The following DIPK2B variants were observed in gnomAD, a reference collection of about 807,000 sequenced individuals.
DIPK2B encodes divergent protein kinase domain 2B, also known as UPF0672 protein CXorf36.
In DIPK2B, 15 loss-of-function variants were observed where a neutral mutation model predicts 22.2. That is an observed-to-expected ratio of 0.68 (90% CI 0.45 to 1.04). DIPK2B has a LOEUF of 1.04. Among genes scored for constraint, DIPK2B ranks in the 50% least tolerant of loss-of-function variants. The pLI, the probability that DIPK2B is intolerant of heterozygous loss-of-function variation, is 0.00. For synonymous variants in DIPK2B, 163 were observed against 153.2 expected (o/e 1.06, Z -0.47); for missense variants, 345 against 348.3 (o/e 0.99, Z 0.08).
chrX:45,164,174 T>C (rs774077493), intron 2 of DIPK2B: 1 of 1,193,607 alleles, frequency 8.4e-7, no homozygotes, highest in Non-Finnish European at 1.1e-6. Context: ...AGTGCTGGGC[T>C]CCATGCCAGG....
intron 2 of DIPK2B, chrX:45,162,280 C>T: frequency 1.7e-6 from 1 of 572,606 alleles, no homozygotes; most frequent in Non-Finnish European, 2.1e-6. Context: ...GCTCAAGTTG[C>T]ATATTCATAA....
At chrX:45,185,895 G>A (rs911408787) in intron 2 of DIPK2B, among the ~76,000 whole-genome samples, 7 of 110,616 alleles carry the variant, frequency 6.3e-5, no homozygotes, top group Admixed American at 2.9e-4. Context: ...CTCGTGATCC[G>A]CCCGCCTCGG....
At chrX:45,162,587 ATAAAATAAGGTTTCATTTCAAACCAG>A in intron 2 of DIPK2B, 2 of 754,564 alleles carry the variant, frequency 2.7e-6, no homozygotes, top group African/African-American at 4.6e-5. Context: ...ACCATTTCCA[ATAAAATAAGGTTTCATTTCAAACCAG>A]ATACACCCAT....
intron 1 of DIPK2B, among the ~76,000 whole-genome samples, chrX:45,193,764 T>A (rs981884081): frequency 8.9e-6 from 1 of 112,322 alleles, no homozygotes; most frequent in Non-Finnish European, 1.9e-5. Flanking sequence ...AACATTGTAA[T>A]GAGTCCATTT....
chrX:45,175,878 C>T (rs2047115512), intron 2 of DIPK2B, among the ~76,000 whole-genome samples: 1 of 107,308 alleles, frequency 9.3e-6, no homozygotes, highest in South Asian at 4.3e-4. Flanking sequence ...GTTAAGCATG[C>T]ATTTGAGAAA....
Position 45,177,493 on chromosome X carries a change from C to T in DIPK2B, c.498+14258G>A, listed in dbSNP as rs902582298. Among the ~76,000 whole-genome samples the T allele has an allele frequency of 2.8e-5, 3 of 108,791 alleles. No homozygotes were observed. In the Admixed American group the frequency reaches 3.0e-4, roughly 11 times the overall value. 94.5% of individuals were successfully genotyped at this position (108,791 alleles called of 115,157 possible). On this transcript the variant is annotated intron_variant, in intron 2 of 4. Coordinates refer to ENST00000398000, the MANE Select transcript of DIPK2B (RefSeq NM_176819.4). ...TATTAAAAAGAGCCTGCCACCTCCT[C>T]CCTCCCTCTCTCTTGCTCCCTCTCT...
intron 1 of DIPK2B, among the ~76,000 whole-genome samples, chrX:45,193,151 C>A (rs1355010353): frequency 2.7e-5 from 3 of 112,439 alleles, no homozygotes; most frequent in Non-Finnish European, 5.6e-5. Flanking sequence ...ATTTATCCAG[C>A]TGTGTGCTGA....
Position 45,156,460 on chromosome X carries a change from G to T in DIPK2B, c.672+1255C>A, listed in dbSNP as rs988068025. Among the ~76,000 whole-genome samples the T allele has an allele frequency of 8.0e-5, 9 of 112,124 alleles. No individual in the cohort carries two copies. In the Admixed American group the frequency reaches 8.5e-4, roughly 11 times the overall value. On this transcript the variant is annotated intron_variant, in intron 3 of 4. Transcript: ENST00000398000. ...AGAGCCAGGCCTAAAAGTAGCCAAG[G>T]TCTTTTCTGGGAGAAAAGATCTGTG...
Position 45,151,454 on chromosome X carries a change from C to T in DIPK2B, c.*198G>A, listed in dbSNP as rs145701412. The T allele has an allele frequency of 6.0e-3, 2,678 of 444,534 alleles. 29 individuals carry two copies. The highest frequency in any genetic ancestry group is 0.055 in the South Asian group (1,535 of 27,927). The allele number at this position is 444,534 out of a possible 1,213,427, so 36.6% of individuals were successfully genotyped here. A position where few individuals can be genotyped will look rare whatever the true frequency, so the allele number is the denominator to read the frequency against. On this transcript the variant is annotated 3_prime_UTR_variant, in exon 5 of 5. Coordinates refer to ENST00000398000, the MANE Select transcript of DIPK2B (RefSeq NM_176819.4). Reference sequence around the variant, plus strand: ...CACACCCAGGTCTTCTGATGCCCACCGCGGGCTTTGCCAGGACGTCCCAGC... The same window carrying T: ...CACACCCAGGTCTTCTGATGCCCACTGCGGGCTTTGCCAGGACGTCCCAGC...
At chrX:45,163,831 C>T (rs1460543900) in intron 2 of DIPK2B, 1 of 798,920 alleles carries the variant, frequency 1.3e-6, no homozygotes, top group Non-Finnish European at 1.5e-6. Context: ...AGCTCCTTAT[C>T]AGGTTCTATC....
intron 1 of DIPK2B, among the ~76,000 whole-genome samples, chrX:45,193,989 T>C (rs1312430287): frequency 9.0e-6 from 1 of 110,968 alleles, no homozygotes; most frequent in Middle Eastern, 4.3e-3. Flanking sequence ...TAGATAACGA[T>C]AAGAGTAACA....
intron 4 of DIPK2B, among the ~76,000 whole-genome samples, chrX:45,153,474 T>TTGTGTGTG (rs34281975): frequency 0.013 from 970 of 73,838 alleles, 17 homozygotes; most frequent in Admixed American, 0.025. Flanking sequence ...CCCAAAAGTT[T>TTGTGTGTG]TGTGTGTGTG....
intron 1 of DIPK2B, among the ~76,000 whole-genome samples, chrX:45,193,381 C>T (rs1204494223): frequency 1.8e-5 from 2 of 111,796 alleles, no homozygotes; most frequent in Admixed American, 9.5e-5. Context: ...TTGGATAATG[C>T]GTTTTGGAAG....
chrX:45,171,196 C>T (rs1392299423), intron 2 of DIPK2B, among the ~76,000 whole-genome samples: 2 of 110,652 alleles, frequency 1.8e-5, no homozygotes, highest in Non-Finnish European at 3.8e-5. Context: ...GCAGGTGTAA[C>T]GAGTCTTGGA....
rs763055334 is a variant in DIPK2B, at chrX:45,157,820, T to C, written c.567A>G (p.Ala189=). ...AGATGCTGCCGGCGTCGGCCACCTC[T>C]GCATAGCGCCTGACCACGCGATCCA... ...RLLDRVVRRY[A]EVADAGSIFM... The change falls in exon 3 of 5, where the codon GCA becomes GCG. Residue 189 remains alanine (A), a synonymous_variant. Transcript: ENST00000398000. 7.7e-6 allele frequency: 9 copies of C among 1,172,113 alleles called. No individual in the cohort carries two copies. In the East Asian group the frequency reaches 2.2e-4, roughly 29 times the overall value.
At chrX:45,187,468 GCACACACACACACACACA>G (rs34308256) in intron 2 of DIPK2B, among the ~76,000 whole-genome samples, 2 of 98,477 alleles carry the variant, frequency 2.0e-5, no homozygotes, top group Non-Finnish European at 2.1e-5. Flanking sequence ...GCGCGCGCGC[GCACACACACACACACACA>G]CACACACACA....
chrX:45,188,773 C>G (rs2047196443), intron 2 of DIPK2B, among the ~76,000 whole-genome samples: 1 of 111,680 alleles, frequency 9.0e-6, no homozygotes, highest in Admixed American at 9.5e-5. Flanking sequence ...TTGGCAACCA[C>G]TGATTTCCTC....
At chrX:45,174,875 A>C (rs4610880) in intron 2 of DIPK2B, among the ~76,000 whole-genome samples, 26,411 of 111,134 alleles carry the variant, frequency 0.24, 2,822 homozygotes, top group African/African-American at 0.43. Context: ...GTTAAATTCA[A>C]TATGGCAATA....
At chrX:45,179,894 A>C (rs1277920513) in intron 2 of DIPK2B, among the ~76,000 whole-genome samples, 1 of 112,141 alleles carries the variant, frequency 8.9e-6, no homozygotes, top group Non-Finnish European at 1.9e-5. Context: ...TTTACGAAAA[A>C]AATTCTCAAT....
Sources: allele counts gnomAD v4.1 joint callset (sites outside exome capture counted in the v4.1 genomes callset), GRCh38; gene constraint gnomAD v4.1.1; transcripts MANE v1.5; gene names NCBI Gene and HGNC (gene_info 2026-07-23, HGNC 2026-07-21).